AGBL1: variants seen among roughly 807,000 people sequenced by gnomAD.
The protein encoded by AGBL1 is AGBL carboxypeptidase 1.
Under a neutral mutation model 118.9 loss-of-function variants are expected in AGBL1, and 130 were observed. The ratio of observed to expected loss-of-function variants is 1.09; its 90% CI spans 0.95 to 1.26. The LOEUF (loss-of-function observed/expected upper bound fraction) is 1.26. Ranked by LOEUF, AGBL1 falls within the 50% of genes most tolerant of loss-of-function variation. The probability of loss-of-function intolerance (pLI) is 0.00; values close to 1 mark genes in which losing one functional copy is unlikely to be tolerated. For synonymous variants in AGBL1, 555 were observed against 478.9 expected, an observed-to-expected ratio of 1.16 and a Z score of -2.08; for missense variants, 1,584 against 1,298.1, an observed-to-expected ratio of 1.22 and a Z score of -3.38.
chr15:86,687,656 A>C (rs576159757), intron 22 of AGBL1, among the ~76,000 whole-genome samples: 2 of 152,316 alleles, frequency 1.3e-5, no homozygotes, highest in Non-Finnish European at 2.9e-5. Context: ...AGAGTAAAGC[A>C]TAGGCTAAGT....
intron 22 of AGBL1, among the ~76,000 whole-genome samples, chr15:86,903,927 G>A (rs1360228596): frequency 7.0e-6 from 1 of 143,864 alleles, no homozygotes; most frequent in Admixed American, 6.8e-5. Context: ...TGATATTGAA[G>A]GGGAGGAAGC....
chr15:86,412,908 C>G lies in AGBL1; in HGVS notation c.2555+15362C>G, dbSNP rs542713673. On this transcript the variant is annotated intron_variant, in intron 18 of 22. Transcript: ENST00000614907. ...TATCTTTTAATTCTCACACAACCCT[C>G]TGTGGTAAATATTAATAATATCTTG... 3.9e-5 allele frequency among the ~76,000 whole-genome samples: 6 copies of G among 152,218 alleles called. No individual in the cohort carries two copies. The South Asian group carries it at 1.2e-3, about 32-fold the overall frequency.
At chr15:86,144,382 G>A (rs958416665) in intron 3 of AGBL1, among the ~76,000 whole-genome samples, 1 of 152,126 alleles carries the variant, frequency 6.6e-6, no homozygotes, top group Non-Finnish European at 1.5e-5. Flanking sequence ...GTTCATTGCA[G>A]CACTATTCAT....
chr15:86,081,638 G>T (rs2141431884), intron 1 of AGBL1, among the ~76,000 whole-genome samples: 1 of 152,286 alleles, frequency 6.6e-6, no homozygotes, highest in Non-Finnish European at 1.5e-5. Context: ...TATCTGGCTA[G>T]ATTTATTTGA....
At chr15:86,710,236 T>C (rs1212983361) in intron 22 of AGBL1, among the ~76,000 whole-genome samples, 1 of 152,184 alleles carries the variant, frequency 6.6e-6, no homozygotes, top group African/African-American at 2.4e-5. Flanking sequence ...AAAAATATAA[T>C]TAGACAAAAC....
chr15:86,193,814 C>T (rs994508036), intron 5 of AGBL1, among the ~76,000 whole-genome samples: 2 of 152,152 alleles, frequency 1.3e-5, no homozygotes, highest in Admixed American at 1.3e-4. Context: ...ATATTTTCTA[C>T]GTTTATTCTA....
intron 22 of AGBL1, among the ~76,000 whole-genome samples, chr15:86,693,907 G>C (rs2086213768): frequency 6.6e-6 from 1 of 151,948 alleles, no homozygotes; most frequent in African/African-American, 2.4e-5. Flanking sequence ...TTTGCTGTAA[G>C]TATTTGGGCT....
intron 22 of AGBL1, among the ~76,000 whole-genome samples, chr15:86,688,658 T>C (rs190696617): frequency 9.8e-5 from 15 of 152,286 alleles, no homozygotes; most frequent in Admixed American, 3.3e-4. Context: ...AATATTTCCC[T>C]ATGAAGTGAA....
intron 19 of AGBL1, among the ~76,000 whole-genome samples, chr15:86,540,568 C>A (rs1284660546): frequency 2.6e-5 from 4 of 151,954 alleles, no homozygotes; most frequent in African/African-American, 7.3e-5. Context: ...GCACTCCAGT[C>A]TGAGTGAGAC....
chr15:86,799,920 G>T (rs1004946615), intron 22 of AGBL1, among the ~76,000 whole-genome samples: 8 of 152,100 alleles, frequency 5.3e-5, no homozygotes, highest in African/African-American at 1.9e-4. Flanking sequence ...CTCCAGCGAA[G>T]AACTGAAAAA....
At chr15:86,137,687 C>A (rs1391316887) in intron 1 of AGBL1, among the ~76,000 whole-genome samples, 2 of 151,988 alleles carry the variant, frequency 1.3e-5, no homozygotes, top group African/African-American at 4.8e-5. Flanking sequence ...GGGTTCATAT[C>A]CTCCTCTAAA....
At chr15:86,485,635 T>C (rs1162571364) in intron 18 of AGBL1, among the ~76,000 whole-genome samples, 2 of 152,138 alleles carry the variant, frequency 1.3e-5, no homozygotes, top group Non-Finnish European at 2.9e-5. Context: ...TACATCTGAT[T>C]TCTGCTCACC....
rs372834548 is a variant in AGBL1, at chr15:86,805,040, T to G, written c.3159-102047T>G. Among the ~76,000 whole-genome samples, 6 of 152,164 alleles carry G rather than the reference T, an allele frequency of 3.9e-5. No individual in the cohort carries two copies. In the South Asian group the frequency reaches 1.2e-3, roughly 32 times the overall value. On this transcript the variant is annotated intron_variant, in intron 22 of 22. Coordinates refer to ENST00000614907, the MANE Select transcript of AGBL1 (RefSeq NM_001386094.1). ...AGGACTCCCAGTGCCAAGTTTCTAG[T>G]GCATATTGGATAAAATAATTGCAAA...
chr15:86,608,901 C>T (rs1235359974), intron 21 of AGBL1, among the ~76,000 whole-genome samples: 1 of 152,100 alleles, frequency 6.6e-6, no homozygotes, highest in Non-Finnish European at 1.5e-5. Flanking sequence ...ACAGGGCTTC[C>T]AAGTTGGTGA....
intron 3 of AGBL1, among the ~76,000 whole-genome samples, chr15:86,144,110 G>C (rs1288612520): frequency 6.6e-6 from 1 of 152,158 alleles, no homozygotes; most frequent in African/African-American, 2.4e-5. Flanking sequence ...GGGGAAAGGA[G>C]GGGAGATACT....
chr15:86,101,179 G>A (rs144826025), intron 1 of AGBL1, among the ~76,000 whole-genome samples: 103 of 152,022 alleles, frequency 6.8e-4, no homozygotes, highest in African/African-American at 2.3e-3. Flanking sequence ...TCCAAAGTTC[G>A]TTTGTTATTG....
chr15:86,664,794 T>C (rs1363527651), intron 21 of AGBL1, among the ~76,000 whole-genome samples: 2 of 151,972 alleles, frequency 1.3e-5, no homozygotes, highest in Non-Finnish European at 2.9e-5. Flanking sequence ...AATTTAATGA[T>C]TTATAAAAGT....
At chr15:86,625,744 C>A (rs1441071684) in intron 21 of AGBL1, among the ~76,000 whole-genome samples, 1 of 151,920 alleles carries the variant, frequency 6.6e-6, no homozygotes, top group Non-Finnish European at 1.5e-5. Context: ...AATACTCAAC[C>A]AATATTTATT....
chr15:86,400,292 C>T (rs1256616480), intron 18 of AGBL1, among the ~76,000 whole-genome samples: 1 of 152,124 alleles, frequency 6.6e-6, no homozygotes, highest in African/African-American at 2.4e-5. Flanking sequence ...TAATCCCCCT[C>T]ATCCGTGCCT....
Sources: allele counts gnomAD v4.1 joint callset (sites outside exome capture counted in the v4.1 genomes callset), GRCh38; gene constraint gnomAD v4.1.1; transcripts MANE v1.5; gene names NCBI Gene and HGNC (gene_info 2026-07-23, HGNC 2026-07-21).